The following PTPRN2 variants were observed in gnomAD, a reference collection of about 807,000 sequenced individuals.
PTPRN2 encodes the protein protein tyrosine phosphatase receptor type N2.
A neutral mutation model predicts 118.8 loss-of-function variants in PTPRN2; 74 were observed. The observed-to-expected ratio is 0.62, with a 90% CI of 0.52 to 0.76. PTPRN2 has a LOEUF of 0.76. Ranked by LOEUF, PTPRN2 falls within the 30% of genes least tolerant of loss-of-function variation. The pLI is 0.00. For missense variants in PTPRN2, 1,481 were observed against 1,394.4 expected (o/e 1.06, Z -0.99); for synonymous variants, 641 against 608.0 (o/e 1.05, Z -0.80).
In PTPRN2 at chr7:157,883,948, C is replaced by T. The variant is rs576106724; in HGVS notation, c.1788+14725G>A. Among the ~76,000 whole-genome samples, 140 of 149,110 alleles carry T rather than the reference C, an allele frequency of 9.4e-4. No homozygotes were observed. In the South Asian group the frequency reaches 9.8e-3, roughly 10 times the overall value. On this transcript the variant is annotated intron_variant, in intron 12 of 22. Transcript: ENST00000389418. ...AAAGTGACTGTTGGAGACCAGAACA[C>T]GCCACCCCAAAATGACTGTCAGAAA...
At chr7:157,966,899 ATCT>A (rs1801984171) in intron 11 of PTPRN2, among the ~76,000 whole-genome samples, 1 of 152,242 alleles carries the variant, frequency 6.6e-6, no homozygotes. Flanking sequence ...CATCACCATC[ATCT>A]TCATCACCAC....
chr7:158,564,277 A>G (rs1442979367), intron 1 of PTPRN2, among the ~76,000 whole-genome samples: 1 of 152,268 alleles, frequency 6.6e-6, no homozygotes, highest in Non-Finnish European at 1.5e-5. Flanking sequence ...AAAGGCAGCA[A>G]TGAACACGCT....
chr7:158,390,964 A>C (rs1811882448), intron 2 of PTPRN2, among the ~76,000 whole-genome samples: 1 of 152,180 alleles, frequency 6.6e-6, no homozygotes, highest in Non-Finnish European at 1.5e-5. Flanking sequence ...AGGGCCCTAC[A>C]GGAACAAGCC....
At chr7:157,721,098 T>C (rs971326104) in intron 12 of PTPRN2, among the ~76,000 whole-genome samples, 6 of 152,050 alleles carry the variant, frequency 3.9e-5, no homozygotes, top group African/African-American at 1.2e-4. Flanking sequence ...CTATTTTAGG[T>C]ACAGATATAA....
At chr7:157,942,941 G>A (rs79135187) in intron 11 of PTPRN2, among the ~76,000 whole-genome samples, 40 of 152,202 alleles carry the variant, frequency 2.6e-4, no homozygotes, top group African/African-American at 7.5e-4. Flanking sequence ...CAAACACACC[G>A]TCTCCCATCC....
At chr7:157,925,162 A>G (rs1158493895) in intron 11 of PTPRN2, among the ~76,000 whole-genome samples, 3 of 141,314 alleles carry the variant, frequency 2.1e-5, no homozygotes, top group Non-Finnish European at 3.1e-5. Context: ...AGGCAAATGC[A>G]GTTATTGAAA....
chr7:157,673,503 A>C (rs549500207), intron 13 of PTPRN2, among the ~76,000 whole-genome samples: 16 of 152,256 alleles, frequency 1.1e-4, no homozygotes, highest in African/African-American at 3.9e-4. Context: ...GACTCTGCCC[A>C]CCTCACGTCC....
intron 3 of PTPRN2, among the ~76,000 whole-genome samples, chr7:158,245,129 G>GGAATCCGTGGTCATGCCA (rs1796136817): frequency 6.6e-6 from 1 of 152,254 alleles, no homozygotes; most frequent in South Asian, 2.1e-4. Context: ...TGGTCATGCC[G>GGAATCCGTGGTCATGCCA]GAATCCGTGG....
intron 11 of PTPRN2, among the ~76,000 whole-genome samples, chr7:157,911,931 T>G (rs1798128392): frequency 6.6e-6 from 1 of 152,264 alleles, no homozygotes; most frequent in Admixed American, 6.5e-5. Context: ...TTTTCATTGC[T>G]GTGTGACTGC....
chr7:158,364,006 G>A (rs148945316), intron 2 of PTPRN2, among the ~76,000 whole-genome samples: 1 of 152,166 alleles, frequency 6.6e-6, no homozygotes, highest in Non-Finnish European at 1.5e-5. Context: ...CCTGCCGGAC[G>A]CTGTTTCATT....
intron 2 of PTPRN2, among the ~76,000 whole-genome samples, chr7:158,411,270 CA>C (rs747493235): frequency 6.6e-5 from 10 of 152,194 alleles, no homozygotes; most frequent in Admixed American, 3.3e-4. Context: ...CTCCCTTCCC[CA>C]CGTAAAGATG....
chr7:158,165,386 C>T (rs73745192), intron 6 of PTPRN2, among the ~76,000 whole-genome samples: 166 of 152,364 alleles, frequency 1.1e-3, no homozygotes, highest in African/African-American at 3.8e-3. Context: ...AATGCTCCAG[C>T]AGCACTCACT....
At chr7:158,547,362 C>T (rs1387240126) in intron 1 of PTPRN2, among the ~76,000 whole-genome samples, 2 of 151,966 alleles carry the variant, frequency 1.3e-5, no homozygotes, top group Non-Finnish European at 2.9e-5. Context: ...TGCTGACTCC[C>T]CAGCCCCTGG....
intron 3 of PTPRN2, among the ~76,000 whole-genome samples, chr7:158,262,689 TTCAC>T (rs1797544282): frequency 1.5e-5 from 2 of 136,770 alleles, no homozygotes; most frequent in Non-Finnish European, 1.5e-5. Context: ...CATACACACA[TTCAC>T]ACACACTGCA....
intron 12 of PTPRN2, chr7:157,864,556 C>T (rs866291491): frequency 6.1e-4 from 93 of 152,464 alleles, no homozygotes; most frequent in African/African-American, 2.0e-3. Context: ...CCACTTTCTC[C>T]AAGGTCTGGG....
intron 1 of PTPRN2, among the ~76,000 whole-genome samples, chr7:158,556,772 ACGCAGGTCGCTCCCACG>A (rs1827031419): frequency 7.3e-6 from 1 of 137,524 alleles, no homozygotes; most frequent in South Asian, 2.5e-4. Context: ...GGTTGCTCCC[ACGCAGGTCGCTCCCACG>A]CAGGTCAGGC....
chr7:158,067,703 GA>G, intron 11 of PTPRN2, among the ~76,000 whole-genome samples: 1 of 152,248 alleles, frequency 6.6e-6, no homozygotes, highest in Non-Finnish European at 1.5e-5. Context: ...GTGAAGGAGT[GA>G]GCGAGTGACA....
chr7:158,255,845 G>T (rs1213181749), intron 3 of PTPRN2, among the ~76,000 whole-genome samples: 2 of 151,816 alleles, frequency 1.3e-5, no homozygotes, highest in African/African-American at 2.4e-5. Context: ...AAGCCTCAGG[G>T]CACCCGTCCT....
At chr7:158,125,483 T>C (rs1400631487) in intron 9 of PTPRN2, among the ~76,000 whole-genome samples, 1 of 152,106 alleles carries the variant, frequency 6.6e-6, no homozygotes, top group African/African-American at 2.4e-5. Flanking sequence ...CTTCCTCTTT[T>C]TCCTGCCCCA....
Sources: gnomAD v4.1 joint callset for allele counts (sites outside exome capture counted in the v4.1 genomes callset) on GRCh38, gnomAD v4.1.1 for gene constraint, MANE v1.5 for transcripts, NCBI Gene and HGNC (gene_info 2026-07-23, HGNC 2026-07-21) for gene names.